The following MYO1E variants were observed in gnomAD, a reference collection of about 807,000 sequenced individuals.
MYO1E encodes unconventional myosin-Ie.
In MYO1E, 68 loss-of-function variants were observed where a neutral mutation model predicts 151.1. That is an observed-to-expected ratio of 0.45 (90% CI 0.37 to 0.55). MYO1E has a LOEUF of 0.55. Ranked by LOEUF, MYO1E falls within the 20% of genes least tolerant of loss-of-function variation. The probability of loss-of-function intolerance (pLI) is 0.00; values close to 1 mark genes in which losing one functional copy is unlikely to be tolerated. For synonymous variants in MYO1E, 601 were observed against 501.7 expected, an observed-to-expected ratio of 1.20 and a Z score of -2.64; for missense variants, 1,363 against 1,389.3, an observed-to-expected ratio of 0.98 and a Z score of 0.30.
intron 1 of MYO1E, among the ~76,000 whole-genome samples, chr15:59,279,964 GT>G (rs2080343566): frequency 6.6e-6 from 1 of 152,114 alleles, no homozygotes; most frequent in Non-Finnish European, 1.5e-5. Flanking sequence ...ACACAGAGCT[GT>G]TTTCATTGTG....
At chr15:59,189,468 G>A (rs553781281) in intron 17 of MYO1E, among the ~76,000 whole-genome samples, 2 of 151,672 alleles carry the variant, frequency 1.3e-5, no homozygotes, top group African/African-American at 4.8e-5. Flanking sequence ...CATCCAGGCT[G>A]GAGTGGAGTG....
chr15:59,276,396 C>T (rs544516825), intron 1 of MYO1E, among the ~76,000 whole-genome samples: 2 of 152,246 alleles, frequency 1.3e-5, no homozygotes, highest in South Asian at 2.1e-4. Context: ...TCCTGGTGAG[C>T]GCAGCACACT....
At chr15:59,258,631 C>T (rs2080207656) in intron 3 of MYO1E, among the ~76,000 whole-genome samples, 1 of 152,190 alleles carries the variant, frequency 6.6e-6, no homozygotes, top group South Asian at 2.1e-4. Context: ...GCCAGAGGAT[C>T]ACTCGAACCC....
At chr15:59,326,872 T>A (rs925342370) in intron 1 of MYO1E, among the ~76,000 whole-genome samples, 7 of 152,214 alleles carry the variant, frequency 4.6e-5, no homozygotes, top group African/African-American at 1.4e-4. Context: ...TCTTATGGGC[T>A]GAGTGACCAA....
intron 4 of MYO1E, among the ~76,000 whole-genome samples, chr15:59,238,559 G>A (rs894505300): frequency 6.6e-6 from 1 of 152,176 alleles, no homozygotes; most frequent in Non-Finnish European, 1.5e-5. Flanking sequence ...TTCCTTACTT[G>A]TTAGGAGGCT....
intron 1 of MYO1E, among the ~76,000 whole-genome samples, chr15:59,369,984 AT>A (rs2080935790): frequency 6.6e-6 from 1 of 151,828 alleles, no homozygotes; most frequent in Non-Finnish European, 1.5e-5. Flanking sequence ...TCTTCTTAAT[AT>A]TTTTTAACTG....
chr15:59,242,291 G>A (rs1353372469), intron 4 of MYO1E, among the ~76,000 whole-genome samples: 1 of 152,218 alleles, frequency 6.6e-6, no homozygotes, highest in Non-Finnish European at 1.5e-5. Context: ...TGCCAGGGCT[G>A]GAGTGGGGAA....
chr15:59,202,513 C>G, intron 15 of MYO1E, 106 bp from the exon 16 acceptor site: 1 of 1,033,560 alleles, frequency 9.7e-7, no homozygotes, highest in Non-Finnish European at 1.5e-6. Flanking sequence ...GGCACATAAC[C>G]TTGGCTACAG....
chr15:59,226,054 G>C (rs1430644121), intron 7 of MYO1E, among the ~76,000 whole-genome samples: 1 of 152,124 alleles, frequency 6.6e-6, no homozygotes, highest in Non-Finnish European at 1.5e-5. Flanking sequence ...GAGGGTTGGG[G>C]CTTGCATTTA....
chr15:59,287,019 G>A lies in MYO1E; in HGVS notation c.4-14570C>T, dbSNP rs74367998. ...CCAAGGGTCCTGCAGGCTCAGGGCC[G>A]CTCAATGTGTGATCACAAACAAGTT... On this transcript the variant is annotated intron_variant, in intron 1 of 27. Transcript: ENST00000288235. Among the ~76,000 whole-genome samples, 483 of 152,180 alleles carry A rather than the reference G, an allele frequency of 3.2e-3. 12 individuals are homozygous for A. In the East Asian group the frequency reaches 0.061, roughly 19 times the overall value.
At chr15:59,248,140 A>AAG (rs2140365208) in intron 4 of MYO1E, among the ~76,000 whole-genome samples, 1 of 150,368 alleles carries the variant, frequency 6.7e-6, no homozygotes, top group African/African-American at 2.4e-5. Context: ...AAAAAAAAAA[A>AAG]AAAAAAAAAA....
chr15:59,338,510 C>T (rs971557679), intron 1 of MYO1E, among the ~76,000 whole-genome samples: 1 of 152,226 alleles, frequency 6.6e-6, no homozygotes, highest in Admixed American at 6.5e-5. Context: ...CTCTTAAGCT[C>T]GCTCCATAAA....
intron 26 of MYO1E, among the ~76,000 whole-genome samples, chr15:59,146,760 T>C (rs2079444210): frequency 6.7e-6 from 1 of 150,096 alleles, no homozygotes; most frequent in Admixed American, 6.7e-5. Flanking sequence ...CATATGTTAA[T>C]ATATGGTTAT....
chr15:59,197,374 C>G (rs1162245692), intron 16 of MYO1E, among the ~76,000 whole-genome samples: 1 of 152,158 alleles, frequency 6.6e-6, no homozygotes, highest in African/African-American at 2.4e-5. Context: ...TTCACCTCAG[C>G]ATAAGAAAAC....
chr15:59,143,416 G>C (rs780995043), intron 26 of MYO1E, among the ~76,000 whole-genome samples: 13 of 152,164 alleles, frequency 8.5e-5, no homozygotes, highest in Non-Finnish European at 1.8e-4. Context: ...CAACACTGAT[G>C]CTGCCACCAT....
intron 26 of MYO1E, among the ~76,000 whole-genome samples, chr15:59,150,562 C>A (rs1257541350): frequency 6.6e-6 from 1 of 152,182 alleles, no homozygotes; most frequent in African/African-American, 2.4e-5. Context: ...CTTTTAATAC[C>A]CTGCCTACTT....
chr15:59,236,327 C>T (rs1448403048), intron 5 of MYO1E, among the ~76,000 whole-genome samples: 1 of 132,524 alleles, frequency 7.5e-6, no homozygotes, highest in Non-Finnish European at 1.6e-5. Flanking sequence ...GCCTGGGCAA[C>T]AGAGCAAGAC....
intron 1 of MYO1E, among the ~76,000 whole-genome samples, chr15:59,330,705 C>G (rs1448977849): frequency 6.6e-6 from 1 of 152,152 alleles, no homozygotes; most frequent in Non-Finnish European, 1.5e-5. Context: ...TCATGTAGAA[C>G]AGGAGTCAGC....
chr15:59,327,066 T>C (rs1464382215), intron 1 of MYO1E, among the ~76,000 whole-genome samples: 1 of 152,084 alleles, frequency 6.6e-6, no homozygotes, highest in African/African-American at 2.4e-5. Context: ...GGGGTCGCAG[T>C]AGGGAAAGAG....
Sources: allele counts gnomAD v4.1 joint callset (sites outside exome capture counted in the v4.1 genomes callset), GRCh38; gene constraint gnomAD v4.1.1; transcripts MANE v1.5; gene names NCBI Gene and HGNC (gene_info 2026-07-23, HGNC 2026-07-21).